The following RBM27 variants were observed in gnomAD, a reference collection of about 807,000 sequenced individuals.
RBM27 encodes the protein RNA binding motif protein 27, also known as RNA-binding protein 27.
Under a neutral mutation model 135.3 loss-of-function variants are expected in RBM27, and 22 were observed. The observed-to-expected ratio is 0.16, with a 90% CI of 0.12 to 0.23. RBM27 has a LOEUF of 0.23. Ranked by LOEUF, RBM27 falls within the 10% of genes least tolerant of loss-of-function variation. The pLI is 1.00. For missense variants in RBM27, 1,009 were observed against 1,281.0 expected, an observed-to-expected ratio of 0.79 and a Z score of 3.24; for synonymous variants, 481 against 442.4, an observed-to-expected ratio of 1.09 and a Z score of -1.10.
At chr5:146,246,582 CA>C (rs1454400255) in intron 8 of RBM27, among the ~76,000 whole-genome samples, 1 of 152,082 alleles carries the variant, frequency 6.6e-6, no homozygotes, top group African/African-American at 2.4e-5. Context: ...GAGGCTGAGG[CA>C]GGGGAAGATA....
At chr5:146,211,967 A>G (rs1755979204) in intron 1 of RBM27, among the ~76,000 whole-genome samples, 1 of 152,126 alleles carries the variant, frequency 6.6e-6, no homozygotes, top group African/African-American at 2.4e-5. Flanking sequence ...ACTCATTGTA[A>G]AATTCTGATT....
intron 6 of RBM27, among the ~76,000 whole-genome samples, chr5:146,233,094 C>T (rs904324507): frequency 6.6e-6 from 1 of 152,026 alleles, no homozygotes; most frequent in East Asian, 1.9e-4. Flanking sequence ...AGGTCAATGC[C>T]CTTATTCTCC....
At chr5:146,235,433 G>A (rs571844965) in intron 7 of RBM27, among the ~76,000 whole-genome samples, 1 of 152,054 alleles carries the variant, frequency 6.6e-6, no homozygotes, top group Non-Finnish European at 1.5e-5. Flanking sequence ...GGGGGTGCAT[G>A]TAGTCCCTAC....
chr5:146,267,150 T>C (rs1199346161), intron 14 of RBM27, among the ~76,000 whole-genome samples: 1 of 152,212 alleles, frequency 6.6e-6, no homozygotes, highest in African/African-American at 2.4e-5. Context: ...GGACTTATTT[T>C]AGGATTTTGG....
Position 146,237,384 on chromosome 5 carries a change from A to C in RBM27, c.1231A>C (p.Arg411=). The change falls in exon 8 of 21, where the codon AGA becomes CGA. Residue 411 remains arginine, a synonymous_variant. Transcript: ENST00000265271. ...AVPNLASVGT[R]LPPPLPQNLL... is the part of the protein sequence containing the mutation. ...GCCCAATCTTGCATCAGTGGGAACA[A>C]GACTACCTCCTCCTTTACCCCAGAA... 6.2e-7 allele frequency: 1 copy of C among 1,614,088 alleles called. No homozygotes were observed. Among genetic ancestry groups the C allele is most frequent in the Non-Finnish European group, 8.5e-7 (1 of 1,179,920 alleles).
In RBM27 at chr5:146,226,827, G is replaced by A. The variant is rs141956003; in HGVS notation, c.304-2119G>A. 7.1e-4 allele frequency among the ~76,000 whole-genome samples: 107 copies of A among 151,754 alleles called. No homozygotes were observed. In the East Asian group the frequency reaches 0.019, roughly 27 times the overall value. On this transcript the variant is annotated intron_variant, in intron 3 of 20. Transcript: ENST00000265271. Reference sequence around the variant, plus strand: ...AGCTACCCCCAACTGACAGCTTTCCGGCGTTTCTCATTTTCTAAGTTTTAG... The same window carrying A: ...AGCTACCCCCAACTGACAGCTTTCCAGCGTTTCTCATTTTCTAAGTTTTAG...
chr5:146,266,207 CTAATT>C (rs1758610677), intron 14 of RBM27, among the ~76,000 whole-genome samples: 2 of 152,176 alleles, frequency 1.3e-5, no homozygotes, highest in African/African-American at 4.8e-5. Context: ...GATCTACCCA[CTAATT>C]TAAAAGAAAT....
intron 8 of RBM27, among the ~76,000 whole-genome samples, chr5:146,239,800 A>G (rs1266757930): frequency 1.0e-4 from 14 of 137,494 alleles, no homozygotes; most frequent in African/African-American, 3.8e-4. Context: ...TTTTTGAGAC[A>G]GAGTCTCAAC....
intron 1 of RBM27, among the ~76,000 whole-genome samples, chr5:146,216,318 C>A (rs1756192160): frequency 6.6e-6 from 1 of 152,168 alleles, no homozygotes; most frequent in Non-Finnish European, 1.5e-5. Context: ...GCCACCACAC[C>A]CAACCATAAT....
chr5:146,237,607 A>C (rs1009069605), intron 8 of RBM27, among the ~76,000 whole-genome samples, 175 bp downstream of exon 8: 3 of 152,160 alleles, frequency 2.0e-5, no homozygotes, highest in Non-Finnish European at 4.4e-5. Flanking sequence ...CCACATTTTA[A>C]TTTTGTGTGA....
In RBM27 at chr5:146,211,723, C is replaced by T. The variant is rs114150667; in HGVS notation, c.60-7262C>T. Among the ~76,000 whole-genome samples the T allele has an allele frequency of 5.3e-3, 797 of 151,764 alleles. 2 individuals carry two copies. Among genetic ancestry groups the T allele is most frequent in the Non-Finnish European group, 8.9e-3 (604 of 67,928 alleles). On this transcript the variant is annotated intron_variant, in intron 1 of 20. Transcript: ENST00000265271. ...CTCGAACTCCTGACCTCAGGTAATC[C>T]GCCCCTGGGATTACAGGTGTGAGCC...
At chr5:146,262,827 A>C (rs575343669) in intron 13 of RBM27, among the ~76,000 whole-genome samples, 1 of 151,774 alleles carries the variant, frequency 6.6e-6, no homozygotes, top group African/African-American at 2.4e-5. Flanking sequence ...TGATCATTTC[A>C]CAATTATTCA....
At chr5:146,274,553 G>GCCAC (rs1759010869) in intron 19 of RBM27, among the ~76,000 whole-genome samples, 1 of 152,210 alleles carries the variant, frequency 6.6e-6, no homozygotes, top group South Asian at 2.1e-4. Context: ...ACAGGCATGA[G>GCCAC]CCACCGTGCC....
intron 1 of RBM27, 98 bp from the exon 2 acceptor site, chr5:146,218,887 G>T: frequency 1.5e-6 from 1 of 676,156 alleles, no homozygotes; most frequent in Non-Finnish European, 2.4e-6. Context: ...ATAGAGTTTT[G>T]ATTTCTCGTT....
chr5:146,225,402 A>G (rs1756627699), intron 3 of RBM27, among the ~76,000 whole-genome samples: 2 of 152,218 alleles, frequency 1.3e-5, no homozygotes, highest in East Asian at 1.9e-4. Flanking sequence ...TAAAAGAAAA[A>G]ATGTGGCTAT....
chr5:146,261,029 A>G (rs1758373682), intron 12 of RBM27, 131 bp downstream of exon 12: 2 of 827,090 alleles, frequency 2.4e-6, no homozygotes, highest in African/African-American at 1.7e-5. Flanking sequence ...AAATGCCACC[A>G]TATATCTATA....
intron 1 of RBM27, among the ~76,000 whole-genome samples, chr5:146,218,571 A>G (rs1756313271): frequency 6.6e-6 from 1 of 152,218 alleles, no homozygotes; most frequent in Admixed American, 6.6e-5. Context: ...GAGAGGAGAA[A>G]GTTTTTCCAT....
intron 7 of RBM27, among the ~76,000 whole-genome samples, chr5:146,236,448 A>AC (rs1185917949): frequency 2.0e-5 from 3 of 152,200 alleles, no homozygotes; most frequent in Non-Finnish European, 4.4e-5. Context: ...CATAGAGGCA[A>AC]CCAGTCCTGC....
chr5:146,237,551 G>A, intron 8 of RBM27, 119 bp downstream of exon 8: 3 of 1,191,934 alleles, frequency 2.5e-6, no homozygotes, highest in South Asian at 3.0e-5. Context: ...TCTAAAAATT[G>A]TATTTGTGTT....
Sources: allele counts gnomAD v4.1 joint callset (sites outside exome capture counted in the v4.1 genomes callset), GRCh38; gene constraint gnomAD v4.1.1; transcripts MANE v1.5; gene names NCBI Gene and HGNC (gene_info 2026-07-23, HGNC 2026-07-21).